DCC: variants seen among roughly 807,000 people sequenced by gnomAD.
The protein encoded by DCC is netrin receptor DCC.
A neutral mutation model predicts 172.5 loss-of-function variants in DCC; 58 were observed. The observed-to-expected ratio is 0.34, with a 90% CI of 0.27 to 0.42. The LOEUF (loss-of-function observed/expected upper bound fraction) is 0.42. DCC is among the 10% of genes least tolerant of loss of function. DCC has a pLI of 1.00. For missense variants in DCC, 1,740 were observed against 1,791.0 expected (o/e 0.97, Z 0.51); for synonymous variants, 709 against 644.5 (o/e 1.10, Z -1.52).
At chr18:53,430,661 T>A (rs1309321697) in intron 21 of DCC, among the ~76,000 whole-genome samples, 1 of 152,132 alleles carries the variant, frequency 6.6e-6, no homozygotes, top group Non-Finnish European at 1.5e-5. Context: ...CATGTAAGGA[T>A]AATAACATAA....
intron 2 of DCC, among the ~76,000 whole-genome samples, chr18:52,850,418 T>C (rs1417080731): frequency 1.3e-5 from 2 of 152,186 alleles, no homozygotes; most frequent in African/African-American, 4.8e-5. Flanking sequence ...TTACAGCTGA[T>C]TTTTAAACAT....
intron 3 of DCC, among the ~76,000 whole-genome samples, chr18:52,921,283 G>A (rs1290738617): frequency 6.6e-6 from 1 of 152,162 alleles, no homozygotes; most frequent in Admixed American, 6.5e-5. Context: ...ATGGGGACCT[G>A]ATATATGAGG....
At position 52,646,474 on chromosome 18, in the gene DCC, G is replaced by C. The variant is rs1481724371; in HGVS notation, c.92-105580G>C. On this transcript the variant is annotated intron_variant, in intron 1 of 28. Coordinates refer to ENST00000442544, the MANE Select transcript of DCC (RefSeq NM_005215.4). ...CACAGATCCCACAGGGTAAGGGTTT[G>C]GTCCCACAAGACTGCCTGTTACTTC... Among the ~76,000 whole-genome samples the C allele has an allele frequency of 2.6e-5, 4 of 152,042 alleles. No homozygotes were observed. In the East Asian group the frequency reaches 7.7e-4, roughly 29 times the overall value.
chr18:53,042,738 G>A (rs905238624), intron 5 of DCC, among the ~76,000 whole-genome samples: 1 of 151,978 alleles, frequency 6.6e-6, no homozygotes, highest in African/African-American at 2.4e-5. Context: ...TTACAGAAAT[G>A]CAAATCAAAA....
chr18:53,411,273 G>T (rs1217607233), intron 20 of DCC, among the ~76,000 whole-genome samples: 3 of 151,982 alleles, frequency 2.0e-5, no homozygotes, highest in Admixed American at 6.6e-5. Context: ...GGGGACAAAT[G>T]GTTTGAAGAG....
chr18:52,552,059 T>G (rs533403530), intron 1 of DCC, among the ~76,000 whole-genome samples: 3 of 152,172 alleles, frequency 2.0e-5, no homozygotes, highest in South Asian at 4.1e-4. Context: ...GAGAAATAAA[T>G]CATTGAAACA....
At chr18:52,692,527 C>T (rs1568045282) in intron 1 of DCC, among the ~76,000 whole-genome samples, 1 of 152,116 alleles carries the variant, frequency 6.6e-6, no homozygotes, top group Non-Finnish European at 1.5e-5. Context: ...CAATCTCTGT[C>T]TCCTGGGTTC....
At chr18:52,342,077 G>A (rs1356899352) in intron 1 of DCC, among the ~76,000 whole-genome samples, 1 of 152,134 alleles carries the variant, frequency 6.6e-6, no homozygotes, top group African/African-American at 2.4e-5. Flanking sequence ...GTGCTGCATG[G>A]CCAAGGGTTG....
chr18:52,613,381 G>A (rs987955071), intron 1 of DCC, among the ~76,000 whole-genome samples: 5 of 151,952 alleles, frequency 3.3e-5, no homozygotes, highest in Admixed American at 1.3e-4. Context: ...TCAGCCTCCC[G>A]AGTAGCTGGG....
chr18:52,955,833 T>C (rs924292899), intron 5 of DCC, among the ~76,000 whole-genome samples: 4 of 152,166 alleles, frequency 2.6e-5, no homozygotes, highest in African/African-American at 9.6e-5. Context: ...TATTAATGTA[T>C]ACTTGCTTGC....
intron 1 of DCC, among the ~76,000 whole-genome samples, chr18:52,421,881 T>A (rs1987262449): frequency 6.6e-6 from 1 of 152,194 alleles, no homozygotes; most frequent in African/African-American, 2.4e-5. Flanking sequence ...CCTGCACTCC[T>A]TATCCTGCCT....
rs570501247 is a variant in DCC at position 52,829,330 on chromosome 18, C to T, written c.413-76714C>T. On this transcript the variant is annotated intron_variant, in intron 2 of 28. Coordinates refer to ENST00000442544, the MANE Select transcript of DCC (RefSeq NM_005215.4). ...TAGGATCCGTATGCTGGTAGGAACA[C>T]CTTAGTCCTAGTTGCAGTGCTGGAA... Among the ~76,000 whole-genome samples the T allele has an allele frequency of 7.2e-5, 11 of 152,266 alleles. No individual in the cohort carries two copies. In the East Asian group the frequency reaches 2.1e-3, roughly 29 times the overall value.
intron 1 of DCC, among the ~76,000 whole-genome samples, chr18:52,507,123 C>A (rs2031258866): frequency 6.6e-6 from 1 of 151,976 alleles, no homozygotes; most frequent in African/African-American, 2.4e-5. Context: ...GATGCTAATC[C>A]TTTATAGCCT....
chr18:52,505,428 C>T (rs2031194299), intron 1 of DCC, among the ~76,000 whole-genome samples: 1 of 152,172 alleles, frequency 6.6e-6, no homozygotes, highest in Admixed American at 6.6e-5. Context: ...CACAGTTCTT[C>T]TCCCTTGGTC....
intron 15 of DCC, among the ~76,000 whole-genome samples, chr18:53,346,002 A>T (rs980972005): frequency 5.3e-5 from 8 of 151,064 alleles, no homozygotes; most frequent in South Asian, 4.2e-4. Context: ...TATTATTATT[A>T]TTTTTTCCTG....
At chr18:52,370,395 A>C (rs1985063963) in intron 1 of DCC, among the ~76,000 whole-genome samples, 1 of 152,184 alleles carries the variant, frequency 6.6e-6, no homozygotes, top group African/African-American at 2.4e-5. Context: ...TAAAAGGAAC[A>C]AGATCATGTC....
chr18:52,756,661 C>T (rs1332827011), intron 2 of DCC, among the ~76,000 whole-genome samples: 1 of 152,112 alleles, frequency 6.6e-6, no homozygotes, highest in Non-Finnish European at 1.5e-5. Context: ...CTTCCCTAAC[C>T]CTTACCGTGA....
intron 3 of DCC, among the ~76,000 whole-genome samples, chr18:52,919,416 C>A: frequency 6.6e-6 from 1 of 152,172 alleles, no homozygotes; most frequent in East Asian, 1.9e-4. Flanking sequence ...AACTTTCTTA[C>A]TATTTGAACT....
At chr18:53,119,167 C>G (rs950938092) in intron 7 of DCC, among the ~76,000 whole-genome samples, 1 of 151,740 alleles carries the variant, frequency 6.6e-6, no homozygotes, top group African/African-American at 2.4e-5. Flanking sequence ...GCATGTCCAC[C>G]CAGTATTACT....
Sources: allele counts gnomAD v4.1 joint callset (sites outside exome capture counted in the v4.1 genomes callset), GRCh38; gene constraint gnomAD v4.1.1; transcripts MANE v1.5; gene names NCBI Gene and HGNC (gene_info 2026-07-23, HGNC 2026-07-21).